TRPM3: variants seen among roughly 807,000 people sequenced by gnomAD.
The protein encoded by TRPM3 is long transient receptor potential channel 3.
A neutral mutation model predicts 181.2 loss-of-function variants in TRPM3; 77 were observed. The observed-to-expected ratio is 0.42, with a 90% CI of 0.35 to 0.51. The LOEUF (loss-of-function observed/expected upper bound fraction) is 0.51. TRPM3 is among the 20% of genes least tolerant of loss of function. TRPM3 has a pLI of 0.01. For missense variants in TRPM3, 1,759 were observed against 2,196.7 expected (o/e 0.80, Z 3.98); for synonymous variants, 745 against 796.4 (o/e 0.94, Z 1.09).
intron 1 of TRPM3, among the ~76,000 whole-genome samples, chr9:71,096,088 T>C (rs1591378731): frequency 6.6e-6 from 1 of 152,224 alleles, no homozygotes; most frequent in South Asian, 2.1e-4. Flanking sequence ...TAGTTTTTCT[T>C]GTTTCTGGAG....
At chr9:70,901,906 A>T (rs1023154274) in intron 1 of TRPM3, among the ~76,000 whole-genome samples, 2 of 152,206 alleles carry the variant, frequency 1.3e-5, no homozygotes, top group African/African-American at 4.8e-5. Context: ...CCAGCTGATG[A>T]TGTTCATCAT....
intron 1 of TRPM3, among the ~76,000 whole-genome samples, chr9:70,996,651 ATTTC>A (rs1173576915): frequency 2.6e-5 from 4 of 152,098 alleles, no homozygotes; most frequent in Admixed American, 6.5e-5. Context: ...TCCCTGTCTA[ATTTC>A]TATTGTACTG....
At chr9:70,750,980 G>GA (rs5898164) in intron 8 of TRPM3, among the ~76,000 whole-genome samples, 34 of 142,800 alleles carry the variant, frequency 2.4e-4, no homozygotes, top group Admixed American at 2.8e-4. Flanking sequence ...ATATTACCAA[G>GA]AAAAAAAAAA....
chr9:71,286,978 AT>A (rs1390154580), intron 1 of TRPM3, among the ~76,000 whole-genome samples: 6 of 141,198 alleles, frequency 4.2e-5, no homozygotes, highest in Non-Finnish European at 9.1e-5. Flanking sequence ...TAATATAATT[AT>A]ATTATATAAT....
At position 71,238,843 on chromosome 9, in the gene TRPM3, G is replaced by A. The variant is rs148721514; in HGVS notation, c.183+207810C>T. On this transcript the variant is annotated intron_variant, in intron 1 of 24. Coordinates refer to the TRPM3 transcript ENST00000357533. ...GGCATTTGAGCTTTCTCTCTCCCTA[G>A]TACACCTCAAGAATACTCATGTTAG... 2.7e-3 allele frequency among the ~76,000 whole-genome samples: 409 copies of A among 152,190 alleles called. 2 individuals are homozygous for A. The highest frequency in any genetic ancestry group is 9.3e-3 in the African/African-American group (386 of 41,524).
intron 19 of TRPM3, among the ~76,000 whole-genome samples, chr9:70,606,649 G>GTA (rs199770909): frequency 0.019 from 1,465 of 77,846 alleles, 14 homozygotes; most frequent in African/African-American, 0.037. Flanking sequence ...GTGTGTGTGT[G>GTA]TGTATATATA....
chr9:70,791,657 C>T (rs911815036), intron 6 of TRPM3, among the ~76,000 whole-genome samples: 1 of 152,020 alleles, frequency 6.6e-6, no homozygotes, highest in African/African-American at 2.4e-5. Context: ...GCAAATTTGG[C>T]TGGAGATATG....
At chr9:70,655,506 C>T (rs2133852159) in intron 9 of TRPM3, among the ~76,000 whole-genome samples, 1 of 152,022 alleles carries the variant, frequency 6.6e-6, no homozygotes, top group South Asian at 2.1e-4. Flanking sequence ...CTGTTTGGCT[C>T]CAACAGGTTT....
Position 71,312,853 on chromosome 9 carries a change from A to G in TRPM3, c.183+133800T>C, listed in dbSNP as rs372475406. 2.6e-5 allele frequency among the ~76,000 whole-genome samples: 4 copies of G among 152,130 alleles called. No homozygotes were observed. In the East Asian group the frequency reaches 7.7e-4, roughly 29 times the overall value. On this transcript the variant is annotated intron_variant, in intron 1 of 24. Transcript: ENST00000357533. ...ATGACATTCTGAAAAAGGCAAAACTATGGAGACAGTAAAACATCAGTGGTG... is the reference window on the plus strand; with the variant it reads ...ATGACATTCTGAAAAAGGCAAAACTGTGGAGACAGTAAAACATCAGTGGTG...
At chr9:71,196,209 C>A (rs1220123379) in intron 1 of TRPM3, among the ~76,000 whole-genome samples, 1 of 151,056 alleles carries the variant, frequency 6.6e-6, no homozygotes, top group Non-Finnish European at 1.5e-5. Context: ...TACTTATTTG[C>A]TCTACCTGTG....
At chr9:71,182,445 C>A (rs1217488450) in intron 1 of TRPM3, among the ~76,000 whole-genome samples, 2 of 152,006 alleles carry the variant, frequency 1.3e-5, no homozygotes, top group African/African-American at 4.8e-5. Context: ...CATGGCCAAG[C>A]AAAACCTGAC....
chr9:70,908,207 C>T (rs933165038), intron 1 of TRPM3, among the ~76,000 whole-genome samples: 1 of 152,152 alleles, frequency 6.6e-6, no homozygotes, highest in Non-Finnish European at 1.5e-5. Context: ...CTCCCAGGAA[C>T]CTGTGTATTT....
intron 1 of TRPM3, among the ~76,000 whole-genome samples, chr9:70,919,776 C>T (rs1317900832): frequency 1.4e-5 from 2 of 140,730 alleles, no homozygotes; most frequent in African/African-American, 5.2e-5. Context: ...AAGAGTGAAA[C>T]TCCATTTCAA....
At chr9:70,784,645 A>AT (rs2083202238) in intron 6 of TRPM3, among the ~76,000 whole-genome samples, 1 of 152,188 alleles carries the variant, frequency 6.6e-6, no homozygotes, top group Non-Finnish European at 1.5e-5. Context: ...CATGATCTGA[A>AT]GCAAGTCTTT....
intron 8 of TRPM3, among the ~76,000 whole-genome samples, chr9:70,749,515 T>C (rs2075767400): frequency 1.3e-5 from 2 of 152,130 alleles, no homozygotes; most frequent in South Asian, 4.1e-4. Flanking sequence ...AAATAAGCCA[T>C]TGGACAACTA....
At chr9:71,228,196 T>C (rs898968289) in intron 1 of TRPM3, among the ~76,000 whole-genome samples, 8 of 152,310 alleles carry the variant, frequency 5.3e-5, no homozygotes, top group African/African-American at 1.9e-4. Context: ...CATCAATCAA[T>C]GTGATGCATT....
At chr9:70,811,170 C>T (rs1479519585) in intron 6 of TRPM3, 1 of 1,608,668 alleles carries the variant, frequency 6.2e-7, no homozygotes, top group Admixed American at 1.7e-5. Flanking sequence ...TTATACTTAC[C>T]AACTGAGTCT....
Position 70,778,554 on chromosome 9 carries a change from A to G in TRPM3, c.1148+5551T>C, listed in dbSNP as rs574879725. Among the ~76,000 whole-genome samples, 8 of 152,328 alleles carry G rather than the reference A, an allele frequency of 5.3e-5. No individual in the cohort carries two copies. In the East Asian group the frequency reaches 9.6e-4, roughly 18 times the overall value. On this transcript the variant is annotated intron_variant, in intron 7 of 25. Transcript: ENST00000677713. ...GTGTTTCCAAGGTTTCCCTTCTGAGAAAGTTATAAAAAAGAATCAAGTTTT... is the reference window on the plus strand; with the variant it reads ...GTGTTTCCAAGGTTTCCCTTCTGAGGAAGTTATAAAAAAGAATCAAGTTTT...
chr9:70,973,483 T>C lies in TRPM3; in HGVS notation c.178-108972A>G, dbSNP rs2097266484. Among the ~76,000 whole-genome samples the C allele has an allele frequency of 2.0e-5, 3 of 152,320 alleles. No individual in the cohort carries two copies. The South Asian group carries it at 6.2e-4, about 32-fold the overall frequency. Reference sequence around the variant, plus strand: ...AATATCCTACACTTTATGAGACATTTGCTTTTTTTTCTGAGTTTGTCTAGG... The same window carrying C: ...AATATCCTACACTTTATGAGACATTCGCTTTTTTTTCTGAGTTTGTCTAGG... On this transcript the variant is annotated intron_variant, in intron 1 of 25. Coordinates refer to ENST00000677713, the MANE Select transcript of TRPM3 (RefSeq NM_001366145.2).
Sources: allele counts gnomAD v4.1 joint callset (sites outside exome capture counted in the v4.1 genomes callset), GRCh38; gene constraint gnomAD v4.1.1; transcripts MANE v1.5; gene names NCBI Gene and HGNC (gene_info 2026-07-23, HGNC 2026-07-21).